The following CSMD1 variants were observed in gnomAD, a reference collection of about 807,000 sequenced individuals.
CSMD1 encodes CUB and sushi domain-containing protein 1.
CSMD1 carries 213 observed loss-of-function variants against 417.5 expected under a neutral mutation model. That is an observed-to-expected ratio of 0.51 (90% confidence interval 0.46 to 0.57). The LOEUF (loss-of-function observed/expected upper bound fraction) is 0.57, where lower values mean the gene tolerates loss of function less well. Ranked by LOEUF, CSMD1 falls within the 20% of genes least tolerant of loss-of-function variation. The pLI is 0.00. For missense variants in CSMD1, 6,923 were observed against 4,529.7 expected, an observed-to-expected ratio of 1.53 and a Z score of -15.17; for synonymous variants, 2,862 against 1,736.8, an observed-to-expected ratio of 1.65 and a Z score of -16.11.
intron 3 of CSMD1, among the ~76,000 whole-genome samples, chr8:4,142,193 A>C (rs1021079508): frequency 2.0e-5 from 3 of 151,248 alleles, no homozygotes; most frequent in African/African-American, 7.4e-5. Flanking sequence ...GATAATCACC[A>C]GATTAAAACA....
intron 2 of CSMD1, among the ~76,000 whole-genome samples, chr8:4,622,525 C>T (rs973362449): frequency 2.0e-5 from 3 of 152,258 alleles, no homozygotes; most frequent in South Asian, 2.1e-4. Context: ...CCTGCTGTGT[C>T]CATGCAGCAC....
intron 5 of CSMD1, among the ~76,000 whole-genome samples, chr8:3,857,710 T>G (rs1368624933): frequency 6.6e-6 from 1 of 152,160 alleles, no homozygotes; most frequent in African/African-American, 2.4e-5. Flanking sequence ...AAATACCAGG[T>G]GTGATGATCC....
intron 42 of CSMD1, 78 bp downstream of exon 42, chr8:3,118,321 G>T: frequency 1.0e-6 from 1 of 976,336 alleles, no homozygotes; most frequent in Non-Finnish European, 1.5e-6. Context: ...TAAATTACTG[G>T]ATATGTTCAT....
intron 5 of CSMD1, among the ~76,000 whole-genome samples, chr8:3,853,127 G>A (rs1456256979): frequency 1.3e-5 from 2 of 152,122 alleles, no homozygotes; most frequent in Non-Finnish European, 2.9e-5. Flanking sequence ...AGCAGTGGCA[G>A]CAGGTGGCTG....
At chr8:3,282,162 C>A (rs1194908602) in intron 26 of CSMD1, among the ~76,000 whole-genome samples, 1 of 152,138 alleles carries the variant, frequency 6.6e-6, no homozygotes, top group Non-Finnish European at 1.5e-5. Flanking sequence ...GAATAATATA[C>A]CCATGGAATG....
intron 1 of CSMD1, among the ~76,000 whole-genome samples, chr8:4,862,540 G>A (rs1356422963): frequency 2.0e-5 from 3 of 151,992 alleles, no homozygotes; most frequent in Non-Finnish European, 4.4e-5. Context: ...AGTAGTGGAG[G>A]TGGTAAGAAG....
At chr8:4,281,211 G>C (rs76460970) in intron 3 of CSMD1, among the ~76,000 whole-genome samples, 54 of 152,152 alleles carry the variant, frequency 3.5e-4, no homozygotes, top group Admixed American at 2.5e-3. Flanking sequence ...ATATAAAAGT[G>C]GAAAATACTT....
intron 54 of CSMD1, 48 bp downstream of exon 54, chr8:2,997,963 C>G (rs1403221706): frequency 2.5e-6 from 4 of 1,577,754 alleles, no homozygotes; most frequent in African/African-American, 2.7e-5. Context: ...ACTGGGCAGC[C>G]TAGAACACTC....
chr8:3,511,078 C>A (rs1797045771), intron 10 of CSMD1, among the ~76,000 whole-genome samples: 1 of 151,736 alleles, frequency 6.6e-6, no homozygotes, highest in Admixed American at 6.6e-5. Flanking sequence ...ATGTCCTTTG[C>A]AGGGACATGG....
At chr8:4,446,995 A>T (rs1798849656) in intron 2 of CSMD1, among the ~76,000 whole-genome samples, 1 of 151,822 alleles carries the variant, frequency 6.6e-6, no homozygotes, top group South Asian at 2.1e-4. Context: ...GTGGAGTGGT[A>T]AGAAACTGTT....
At chr8:3,920,324 C>T (rs986186540) in intron 5 of CSMD1, among the ~76,000 whole-genome samples, 13 of 151,690 alleles carry the variant, frequency 8.6e-5, no homozygotes, top group Middle Eastern at 3.4e-3. Flanking sequence ...AGTGAGCCAC[C>T]GTACGTGCCC....
chr8:4,338,882 A>G (rs1262586983), intron 3 of CSMD1, among the ~76,000 whole-genome samples: 1 of 152,130 alleles, frequency 6.6e-6, no homozygotes, highest in Non-Finnish European at 1.5e-5. Flanking sequence ...TTAGAAGAGA[A>G]CCTTTTACTA....
chr8:3,591,317 A>T (rs932690002), intron 8 of CSMD1, among the ~76,000 whole-genome samples: 1 of 152,204 alleles, frequency 6.6e-6, no homozygotes, highest in Non-Finnish European at 1.5e-5. Flanking sequence ...TCCGTATTTG[A>T]TTTCGGAAGA....
At chr8:4,462,695 G>T (rs1167970750) in intron 2 of CSMD1, among the ~76,000 whole-genome samples, 1 of 152,074 alleles carries the variant, frequency 6.6e-6, no homozygotes, top group African/African-American at 2.4e-5. Context: ...GACATTACCC[G>T]TCAATTTGAT....
chr8:3,633,491 A>C (rs1796882372), intron 7 of CSMD1, among the ~76,000 whole-genome samples: 1 of 152,228 alleles, frequency 6.6e-6, no homozygotes, highest in Non-Finnish European at 1.5e-5. Context: ...CCAATTTAGA[A>C]GTCAAATACA....
chr8:4,706,094 A>G (rs544352181), intron 1 of CSMD1, among the ~76,000 whole-genome samples: 1 of 150,574 alleles, frequency 6.6e-6, no homozygotes, highest in African/African-American at 2.4e-5. Context: ...AACATATAAT[A>G]TATAAAAACT....
chr8:4,954,411 T>G (rs1808951410), intron 1 of CSMD1, among the ~76,000 whole-genome samples: 1 of 152,160 alleles, frequency 6.6e-6, no homozygotes, highest in Non-Finnish European at 1.5e-5. Flanking sequence ...GTTTCCAGGT[T>G]AGCACTCCCA....
At chr8:3,331,933 T>C (rs1312897064) in intron 23 of CSMD1, among the ~76,000 whole-genome samples, 10 of 152,192 alleles carry the variant, frequency 6.6e-5, no homozygotes, top group African/African-American at 1.7e-4. Context: ...AGGTGACTGA[T>C]AATAGATAGC....
chr8:4,365,881 T>A (rs1409439990), intron 3 of CSMD1, among the ~76,000 whole-genome samples: 2 of 152,236 alleles, frequency 1.3e-5, no homozygotes, highest in African/African-American at 4.8e-5. Flanking sequence ...AGTAATTTTC[T>A]TTTGATATCA....
Sources: gnomAD v4.1 joint callset for allele counts (sites outside exome capture counted in the v4.1 genomes callset) on GRCh38, gnomAD v4.1.1 for gene constraint, MANE v1.5 for transcripts, NCBI Gene and HGNC (gene_info 2026-07-23, HGNC 2026-07-21) for gene names.